The following NALCN variants were observed in gnomAD, a reference collection of about 807,000 sequenced individuals.
NALCN encodes sodium leak channel, non-selective.
A neutral mutation model predicts 225.3 loss-of-function variants in NALCN; 111 were observed. The ratio of observed to expected loss-of-function variants is 0.49; its 90% confidence interval spans 0.42 to 0.58. The LOEUF (loss-of-function observed/expected upper bound fraction) is 0.58. Ranked by LOEUF, NALCN falls within the 20% of genes least tolerant of loss-of-function variation. NALCN has a pLI of 0.00. For synonymous variants in NALCN, 764 were observed against 769.0 expected, an observed-to-expected ratio of 0.99 and a Z score of 0.11; for missense variants, 1,378 against 2,202.4, an observed-to-expected ratio of 0.63 and a Z score of 7.49.
chr13:101,105,039 T>TA (rs764483612), intron 22 of NALCN, 89 bp from the exon 23 acceptor site: 446 of 1,144,346 alleles, frequency 3.9e-4, no homozygotes, highest in Non-Finnish European at 5.4e-4. Flanking sequence ...CTCATCTACC[T>TA]AAAATCTCTT....
chr13:101,384,627 GTA>G (rs1477373242), intron 3 of NALCN, among the ~76,000 whole-genome samples: 1 of 152,138 alleles, frequency 6.6e-6, no homozygotes. Flanking sequence ...ACTTTTACTT[GTA>G]TCTATTGCCA....
chr13:101,103,806 G>T (rs920563211), intron 25 of NALCN, among the ~76,000 whole-genome samples: 1 of 152,146 alleles, frequency 6.6e-6, no homozygotes, highest in Non-Finnish European at 1.5e-5. Context: ...CATTTCTATG[G>T]TTTTCCAGCG....
At chr13:101,103,385 T>C (rs1269256370) in intron 25 of NALCN, 46 bp from the exon 26 acceptor site, 1 of 1,555,830 alleles carries the variant, frequency 6.4e-7, no homozygotes, top group South Asian at 1.2e-5. Flanking sequence ...ATTCATCCCC[T>C]ACTATTTACA....
intron 13 of NALCN, among the ~76,000 whole-genome samples, chr13:101,218,794 G>C (rs2040834527): frequency 6.6e-6 from 1 of 151,996 alleles, no homozygotes; most frequent in African/African-American, 2.4e-5. Context: ...TAAGTTTCTT[G>C]TGGTTTCCCC....
intron 34 of NALCN, among the ~76,000 whole-genome samples, chr13:101,077,709 AAAG>A (rs1341496084): frequency 3.3e-5 from 5 of 152,218 alleles, no homozygotes; most frequent in Non-Finnish European, 7.3e-5. Flanking sequence ...TTTTTATAGA[AAAG>A]AAAACCTTAT....
intron 7 of NALCN, among the ~76,000 whole-genome samples, chr13:101,309,528 C>T (rs951048548): frequency 2.0e-5 from 3 of 152,208 alleles, no homozygotes; most frequent in Non-Finnish European, 4.4e-5. Flanking sequence ...AGCACATCAA[C>T]CACCCCATAT....
At chr13:101,135,115 A>G (rs1220815364) in intron 17 of NALCN, among the ~76,000 whole-genome samples, 1 of 152,188 alleles carries the variant, frequency 6.6e-6, no homozygotes, top group African/African-American at 2.4e-5. Flanking sequence ...GAATGGCGTG[A>G]ACCCGGGAGG....
At chr13:101,205,232 A>G (rs908224993) in intron 13 of NALCN, among the ~76,000 whole-genome samples, 5 of 152,168 alleles carry the variant, frequency 3.3e-5, no homozygotes, top group Non-Finnish European at 4.4e-5. Flanking sequence ...ATTGCACTCC[A>G]TATAATGCTT....
At chr13:101,094,171 T>G (rs2034381695) in intron 28 of NALCN, among the ~76,000 whole-genome samples, 1 of 152,190 alleles carries the variant, frequency 6.6e-6, no homozygotes, top group African/African-American at 2.4e-5. Flanking sequence ...ACAAAGCCCT[T>G]TGCCGCAAGG....
chr13:101,360,222 CT>C (rs2046210720), intron 6 of NALCN, among the ~76,000 whole-genome samples: 1 of 141,718 alleles, frequency 7.1e-6, no homozygotes, highest in African/African-American at 2.8e-5. Flanking sequence ...CTCTCTCTCT[CT>C]CTCTCTCCTT....
chr13:101,083,019 C>T, intron 32 of NALCN, 73 bp downstream of exon 32: 2 of 1,548,424 alleles, frequency 1.3e-6, no homozygotes, highest in South Asian at 2.2e-5. Flanking sequence ...ATGCATATAG[C>T]AGCTTGTGAT....
intron 6 of NALCN, among the ~76,000 whole-genome samples, chr13:101,355,767 C>T (rs570243181): frequency 6.6e-6 from 1 of 152,178 alleles, no homozygotes; most frequent in Non-Finnish European, 1.5e-5. Context: ...TGCGACATGG[C>T]ACTTATTCTA....
intron 13 of NALCN, among the ~76,000 whole-genome samples, chr13:101,192,779 C>G (rs1028282888): frequency 6.6e-6 from 1 of 152,176 alleles, no homozygotes; most frequent in African/African-American, 2.4e-5. Flanking sequence ...TTCATTCTTA[C>G]ATATTTTTCT....
chr13:101,097,095 A>T (rs1033221029), intron 27 of NALCN, among the ~76,000 whole-genome samples: 1 of 152,192 alleles, frequency 6.6e-6, no homozygotes, highest in Admixed American at 6.5e-5. Flanking sequence ...CGATGAGTTT[A>T]GTAATGCCAA....
intron 41 of NALCN, among the ~76,000 whole-genome samples, chr13:101,060,575 G>A (rs2584532): frequency 6.6e-6 from 1 of 150,996 alleles, no homozygotes; most frequent in Non-Finnish European, 1.5e-5. Context: ...ACAGGCATGA[G>A]ACACTGTGCC....
chr13:101,279,860 T>G lies in NALCN; in HGVS notation c.1134+4073A>C, dbSNP rs547451218. ...TAAAATAAATAAATAAATAAATAAATAAATAAATAAATAAATAAAAAGAAG... is the reference window on the plus strand; with the variant it reads ...TAAAATAAATAAATAAATAAATAAAGAAATAAATAAATAAATAAAAAGAAG... On this transcript the variant is annotated intron_variant, in intron 10 of 43. Transcript: ENST00000251127. 1.3e-5 allele frequency among the ~76,000 whole-genome samples: 2 copies of G among 148,614 alleles called. 1 individual carries two copies. The highest frequency in any genetic ancestry group is 1.3e-4 in the Admixed American group (2 of 14,816).
At chr13:101,360,189 C>CTCTCTCTCTCTCT (rs2046204054) in intron 6 of NALCN, among the ~76,000 whole-genome samples, 1 of 89,242 alleles carries the variant, frequency 1.1e-5, no homozygotes, top group South Asian at 5.2e-4. Flanking sequence ...TTCCTCTCTT[C>CTCTCTCTCTCTCT]CTCTCTCTCT....
At chr13:101,079,261 A>G (rs1311540612) in intron 34 of NALCN, among the ~76,000 whole-genome samples, 2 of 152,248 alleles carry the variant, frequency 1.3e-5, no homozygotes, top group Non-Finnish European at 2.9e-5. Context: ...CTAAAGATCT[A>G]TTGCAGATAC....
At chr13:101,293,675 A>T (rs2043631089) in intron 7 of NALCN, among the ~76,000 whole-genome samples, 1 of 152,216 alleles carries the variant, frequency 6.6e-6, no homozygotes, top group African/African-American at 2.4e-5. Context: ...ATGAGAAAGC[A>T]GAATCAGAGC....
Sources: gnomAD v4.1 joint callset for allele counts (sites outside exome capture counted in the v4.1 genomes callset) on GRCh38, gnomAD v4.1.1 for gene constraint, MANE v1.5 for transcripts, NCBI Gene and HGNC (gene_info 2026-07-23, HGNC 2026-07-21) for gene names.